CAMTA1: variants seen among roughly 807,000 people sequenced by gnomAD.
The protein encoded by CAMTA1 is calmodulin binding transcription activator 1.
CAMTA1 carries 27 observed loss-of-function variants against 170.9 expected under a neutral mutation model. The observed-to-expected ratio is 0.16, with a 90% CI of 0.12 to 0.22. CAMTA1 has a LOEUF of 0.22. Among genes scored for constraint, CAMTA1 ranks in the 10% least tolerant of loss-of-function variants. The pLI, the probability that CAMTA1 is intolerant of heterozygous loss-of-function variation, is 1.00. For missense variants in CAMTA1, 1,619 were observed against 2,217.2 expected, an observed-to-expected ratio of 0.73 and a Z score of 5.42; for synonymous variants, 833 against 891.5, an observed-to-expected ratio of 0.93 and a Z score of 1.17.
chr1:7,566,130 G>GA (rs1259419662), intron 6 of CAMTA1, among the ~76,000 whole-genome samples: 2 of 152,012 alleles, frequency 1.3e-5, no homozygotes, highest in African/African-American at 2.4e-5. Context: ...AATCACTTTG[G>GA]AAAAAAAGAT....
rs547481502 is a variant in CAMTA1 at position 7,452,604 on chromosome 1, A to G, written c.439-15226A>G. Among the ~76,000 whole-genome samples the G allele has an allele frequency of 7.9e-5, 12 of 152,198 alleles. 1 individual carries two copies. The South Asian group carries it at 2.5e-3, about 32-fold the overall frequency. ...GGTTGACCTCTTCAGAATGTTTCCT[A>G]GGAATGGAATCATACAATGTGTGGC... On this transcript the variant is annotated intron_variant, in intron 5 of 22. Transcript: ENST00000303635.
chr1:7,098,203 G>T (rs951904702), intron 4 of CAMTA1, among the ~76,000 whole-genome samples: 1 of 152,196 alleles, frequency 6.6e-6, no homozygotes, highest in African/African-American at 2.4e-5. Flanking sequence ...GGCAGTTTTA[G>T]ATTTAGAGCA....
chr1:7,430,135 C>A (rs2092084654), intron 5 of CAMTA1, among the ~76,000 whole-genome samples: 1 of 151,756 alleles, frequency 6.6e-6, no homozygotes, highest in Admixed American at 6.6e-5. Context: ...ACAATGATGG[C>A]AATGATGGGG....
intron 7 of CAMTA1, among the ~76,000 whole-genome samples, chr1:7,661,060 C>CG (rs1222108239): frequency 2.0e-5 from 3 of 152,230 alleles, no homozygotes; most frequent in South Asian, 2.1e-4. Context: ...GCCCAGCTCC[C>CG]GGGGTGGCTG....
At chr1:6,871,722 C>G (rs768962938) in intron 3 of CAMTA1, 1 of 1,512,242 alleles carries the variant, frequency 6.6e-7, no homozygotes, top group South Asian at 1.2e-5. Context: ...CTCAGAGATA[C>G]TAGTTTTACT....
intron 11 of CAMTA1, among the ~76,000 whole-genome samples, chr1:7,713,166 A>G (rs1425204013): frequency 6.6e-6 from 1 of 152,178 alleles, no homozygotes; most frequent in Non-Finnish European, 1.5e-5. Context: ...GAGATGGGAG[A>G]GAGGCAATGA....
intron 4 of CAMTA1, among the ~76,000 whole-genome samples, chr1:7,239,305 C>G (rs1013199904): frequency 6.6e-6 from 1 of 152,232 alleles, no homozygotes; most frequent in African/African-American, 2.4e-5. Flanking sequence ...GGTTGTTTCA[C>G]AAATGCCATC....
intron 5 of CAMTA1, among the ~76,000 whole-genome samples, chr1:7,409,542 G>A (rs926909735): frequency 2.0e-5 from 3 of 150,190 alleles, no homozygotes; most frequent in East Asian, 1.9e-4. Context: ...GCTCCCAAGG[G>A]CTTCCTGGGC....
chr1:7,498,583 ATG>A (rs374167732), intron 6 of CAMTA1, among the ~76,000 whole-genome samples: 15 of 152,068 alleles, frequency 9.9e-5, no homozygotes, highest in South Asian at 2.1e-4. Context: ...ATGCATGTGC[ATG>A]TGTGTGTACG....
chr1:7,133,921 G>A (rs998567009), intron 4 of CAMTA1, among the ~76,000 whole-genome samples: 3 of 152,182 alleles, frequency 2.0e-5, no homozygotes, highest in African/African-American at 7.2e-5. Flanking sequence ...TCTTGATTTA[G>A]ATACCGAGGG....
chr1:6,940,990 G>T (rs1037619060), intron 3 of CAMTA1, among the ~76,000 whole-genome samples: 1 of 20,916 alleles, frequency 4.8e-5, no homozygotes, highest in African/African-American at 1.7e-4. Flanking sequence ...GCAGGCAAGG[G>T]GAGATTCTTA....
At chr1:7,029,598 C>T (rs1702519539) in intron 3 of CAMTA1, among the ~76,000 whole-genome samples, 1 of 148,492 alleles carries the variant, frequency 6.7e-6, no homozygotes, top group Non-Finnish European at 1.5e-5. Flanking sequence ...ATCAAGAAAT[C>T]TCTCTCTCTC....
At chr1:6,907,164 C>T (rs900454241) in intron 3 of CAMTA1, among the ~76,000 whole-genome samples, 77 of 152,206 alleles carry the variant, frequency 5.1e-4, no homozygotes, top group African/African-American at 1.8e-3. Context: ...GTGGTTTCTG[C>T]TGTGTCCTTG....
intron 4 of CAMTA1, among the ~76,000 whole-genome samples, chr1:7,154,333 C>G (rs1021196328): frequency 6.6e-6 from 1 of 152,068 alleles, no homozygotes; most frequent in Non-Finnish European, 1.5e-5. Flanking sequence ...ATCCTGGAGT[C>G]ATTGATAAAT....
chr1:6,799,053 T>C (rs1051088957), intron 1 of CAMTA1, among the ~76,000 whole-genome samples: 4 of 152,102 alleles, frequency 2.6e-5, no homozygotes, highest in Non-Finnish European at 5.9e-5. Flanking sequence ...ATTTATTATT[T>C]ATTTATTCGT....
chr1:7,513,948 T>TAC (rs368936948), intron 6 of CAMTA1, among the ~76,000 whole-genome samples: 21 of 150,142 alleles, frequency 1.4e-4, no homozygotes, highest in African/African-American at 4.1e-4. Context: ...CACACACACA[T>TAC]ACACACACAC....
intron 5 of CAMTA1, among the ~76,000 whole-genome samples, chr1:7,432,623 G>T (rs1043381828): frequency 6.6e-6 from 1 of 152,170 alleles, no homozygotes; most frequent in Non-Finnish European, 1.5e-5. Context: ...CTCCGTCCGG[G>T]CCTCAGCCCA....
intron 5 of CAMTA1, among the ~76,000 whole-genome samples, chr1:7,429,014 C>T (rs1402164417): frequency 6.6e-6 from 1 of 152,228 alleles, no homozygotes; most frequent in Non-Finnish European, 1.5e-5. Flanking sequence ...ATGGACGCCT[C>T]TAATGGAGAA....
chr1:7,649,518 C>T (rs2095834106), intron 7 of CAMTA1, among the ~76,000 whole-genome samples: 1 of 152,210 alleles, frequency 6.6e-6, no homozygotes, highest in Non-Finnish European at 1.5e-5. Flanking sequence ...CCCCTTCCAA[C>T]CTGGCATGGA....
Sources: gnomAD v4.1 joint callset for allele counts (sites outside exome capture counted in the v4.1 genomes callset) on GRCh38, gnomAD v4.1.1 for gene constraint, MANE v1.5 for transcripts, NCBI Gene and HGNC (gene_info 2026-07-23, HGNC 2026-07-21) for gene names.